CNOT1: variants seen among roughly 807,000 people sequenced by gnomAD.
CNOT1 encodes CCR4-NOT transcription complex subunit 1.
In CNOT1, 15 loss-of-function variants were observed where a neutral mutation model predicts 273.8. That is an observed-to-expected ratio of 0.05 (90% CI 0.04 to 0.08). The LOEUF is 0.08. Ranked by LOEUF, CNOT1 falls within the 10% of genes least tolerant of loss-of-function variation. The pLI is 1.00. For synonymous variants in CNOT1, 1,022 were observed against 1,005.5 expected (o/e 1.02, Z -0.31); for missense variants, 1,644 against 2,912.2 (o/e 0.56, Z 10.02).
intron 13 of CNOT1, 152 bp from the exon 14 acceptor site, chr16:58,576,734 T>C (rs2041469109): frequency 5.5e-6 from 7 of 1,266,210 alleles, no homozygotes; most frequent in Non-Finnish European, 6.3e-6. Flanking sequence ...GCAATTACCG[T>C]GACGTTCTTT....
intron 44 of CNOT1, chr16:58,528,179 C>A (rs902366077): frequency 3.8e-6 from 2 of 525,090 alleles, no homozygotes; most frequent in African/African-American, 1.9e-5. Flanking sequence ...GCACACCCAG[C>A]AAATGACTGC....
chr16:58,550,999 T>C (rs1481115661), intron 24 of CNOT1, 133 bp downstream of exon 24: 56 of 1,457,062 alleles, frequency 3.8e-5, no homozygotes, highest in Non-Finnish European at 4.8e-5. Flanking sequence ...CCAAACCCAC[T>C]AGTTAAATAT....
At chr16:58,568,356 G>T (rs907283577) in intron 16 of CNOT1, among the ~76,000 whole-genome samples, 2 of 141,124 alleles carry the variant, frequency 1.4e-5, no homozygotes, top group African/African-American at 5.2e-5. Flanking sequence ...CAACAAGAGC[G>T]AAACTCCATC....
intron 1 of CNOT1, among the ~76,000 whole-genome samples, chr16:58,629,183 G>A (rs1191651149): frequency 1.3e-5 from 2 of 152,238 alleles, no homozygotes; most frequent in Admixed American, 6.5e-5. Flanking sequence ...TTGACAACGT[G>A]CTGGGGGCGT....
chr16:58,594,144 T>C (rs1174703455), intron 2 of CNOT1, among the ~76,000 whole-genome samples: 1 of 152,100 alleles, frequency 6.6e-6, no homozygotes, highest in African/African-American at 2.4e-5. Flanking sequence ...CTCAGGAGGC[T>C]GAGGCAAGAG....
At chr16:58,618,663 GAA>G (rs2043186589) in intron 1 of CNOT1, among the ~76,000 whole-genome samples, 1 of 139,340 alleles carries the variant, frequency 7.2e-6, no homozygotes, top group African/African-American at 2.8e-5. Flanking sequence ...AAAAAAAAAA[GAA>G]AAAGAGTTGA....
intron 38 of CNOT1, 102 bp downstream of exon 38, chr16:58,537,789 A>G: frequency 1.4e-6 from 2 of 1,467,620 alleles, no homozygotes; most frequent in Non-Finnish European, 9.3e-7. Flanking sequence ...TGTGGTTGGT[A>G]AAGCAGTTAT....
intron 17 of CNOT1, chr16:58,559,848 G>C (rs2040769156): frequency 1.9e-6 from 1 of 536,834 alleles, no homozygotes; most frequent in South Asian, 1.4e-5. Flanking sequence ...AAGAGCCCCA[G>C]TTATAACAAG....
intron 35 of CNOT1, among the ~76,000 whole-genome samples, 158 bp downstream of exon 35, chr16:58,539,610 T>C (rs1300013713): frequency 7.7e-6 from 1 of 129,962 alleles, no homozygotes; most frequent in Non-Finnish European, 1.6e-5. Flanking sequence ...CTGCCATGAC[T>C]ACATTCTACG....
At chr16:58,558,713 C>T (rs750356115) in intron 17 of CNOT1, 39 bp from the exon 18 acceptor site, 30 of 1,585,558 alleles carry the variant, frequency 1.9e-5, no homozygotes, top group Non-Finnish European at 2.3e-5. Flanking sequence ...AAACATACTT[C>T]GAGGAAAGGC....
chr16:58,593,128 G>A (rs1309333315), intron 2 of CNOT1, among the ~76,000 whole-genome samples: 1 of 152,190 alleles, frequency 6.6e-6, no homozygotes, highest in Non-Finnish European at 1.5e-5. Context: ...CACAGGTTAA[G>A]AATACATATT....
At chr16:58,597,368 G>A (rs149306118) in intron 2 of CNOT1, among the ~76,000 whole-genome samples, 2,321 of 152,024 alleles carry the variant, frequency 0.015, 50 homozygotes, top group African/African-American at 0.053. Flanking sequence ...CCAGCTACTC[G>A]GGAGGCTGAG....
intron 17 of CNOT1, 143 bp downstream of exon 17, chr16:58,560,069 C>T: frequency 6.6e-7 from 1 of 1,512,936 alleles, no homozygotes. Flanking sequence ...TGCCTATTTA[C>T]ATATCTCCTT....
chr16:58,565,939 CA>C (rs35857214), intron 16 of CNOT1, among the ~76,000 whole-genome samples: 79 of 144,754 alleles, frequency 5.5e-4, no homozygotes, highest in Non-Finnish European at 5.3e-4. Context: ...GACCCTGCCT[CA>C]AAAAAAAAAA....
intron 38 of CNOT1, 70 bp downstream of exon 38, chr16:58,537,820 CT>C: frequency 6.3e-7 from 1 of 1,579,336 alleles, no homozygotes. Flanking sequence ...GTTAGTAAGT[CT>C]GCATATTCAT....
chr16:58,526,511 T>TAAA (rs57367601), intron 44 of CNOT1, among the ~76,000 whole-genome samples: 4,522 of 80,768 alleles, frequency 0.056, 287 homozygotes, highest in Non-Finnish European at 0.068. Flanking sequence ...ACTTACTCCT[T>TAAA]AAAAAAAAAA....
chr16:58,531,031 C>T (rs987781459), intron 42 of CNOT1, among the ~76,000 whole-genome samples: 2 of 152,142 alleles, frequency 1.3e-5, no homozygotes, highest in African/African-American at 4.8e-5. Flanking sequence ...CTTATTAAGT[C>T]TCAGCCATTT....
Position 58,614,172 on chromosome 16 carries a change from C to A in CNOT1, c.-174-14661G>T, listed in dbSNP as rs147858687. Among the ~76,000 whole-genome samples, 814 of 123,034 alleles carry A rather than the reference C, an allele frequency of 6.6e-3. 123 individuals carry two copies. The highest frequency in any genetic ancestry group is 0.021 in the African/African-American group (775 of 36,528). 80.7% of individuals were successfully genotyped at this position (123,034 alleles called of 152,430 possible). ...GTAGCTTTGCATATTCCAAGACTCTCTATGCAAAATCCCAACCTATGGAAG... is the reference window on the plus strand; with the variant it reads ...GTAGCTTTGCATATTCCAAGACTCTATATGCAAAATCCCAACCTATGGAAG... On this transcript the variant is annotated intron_variant, in intron 1 of 48. Coordinates refer to ENST00000317147, the MANE Select transcript of CNOT1 (RefSeq NM_016284.5).
intron 2 of CNOT1, chr16:58,598,867 G>C (rs1447096543): frequency 5.0e-6 from 1 of 201,136 alleles, no homozygotes; most frequent in African/African-American, 2.3e-5. Context: ...AGACCAGACT[G>C]ACCAACATGG....
Sources: allele counts gnomAD v4.1 joint callset (sites outside exome capture counted in the v4.1 genomes callset), GRCh38; gene constraint gnomAD v4.1.1; transcripts MANE v1.5; gene names NCBI Gene and HGNC (gene_info 2026-07-23, HGNC 2026-07-21).